Variants in HS6ST3 observed in about 807,000 individuals in gnomAD.
The protein encoded by HS6ST3 is heparan-sulfate 6-O-sulfotransferase 3.
HS6ST3 carries 12 observed loss-of-function variants against 36.7 expected under a neutral mutation model. The ratio of observed to expected loss-of-function variants is 0.33; its 90% CI spans 0.21 to 0.53. The LOEUF is 0.53. Ranked by LOEUF, HS6ST3 falls within the 20% of genes least tolerant of loss-of-function variation. The pLI, the probability that HS6ST3 is intolerant of heterozygous loss-of-function variation, is 0.95. For missense variants in HS6ST3, 584 were observed against 640.9 expected (o/e 0.91, Z 0.96); for synonymous variants, 240 against 257.5 (o/e 0.93, Z 0.65).
intron 1 of HS6ST3, among the ~76,000 whole-genome samples, chr13:96,374,756 G>A (rs1019607588): frequency 5.9e-5 from 9 of 152,058 alleles, no homozygotes; most frequent in African/African-American, 2.2e-4. Flanking sequence ...CTGCCTCACT[G>A]ACCCCTCTGT....
At chr13:96,543,609 A>T (rs2056186559) in intron 1 of HS6ST3, among the ~76,000 whole-genome samples, 1 of 152,118 alleles carries the variant, frequency 6.6e-6, no homozygotes, top group Admixed American at 6.5e-5. Context: ...TTTACTATTA[A>T]TATTTTTCCC....
At chr13:96,185,340 A>G (rs1260878425) in intron 1 of HS6ST3, among the ~76,000 whole-genome samples, 3 of 152,210 alleles carry the variant, frequency 2.0e-5, no homozygotes, top group Non-Finnish European at 4.4e-5. Flanking sequence ...AACATTTATA[A>G]GATGCTTTCT....
At chr13:96,342,198 G>A (rs549835900) in intron 1 of HS6ST3, among the ~76,000 whole-genome samples, 38 of 152,158 alleles carry the variant, frequency 2.5e-4, no homozygotes, top group African/African-American at 8.4e-4. Flanking sequence ...ACAGTTTGAG[G>A]TATCTATGGG....
chr13:96,704,969 C>G (rs576543117), intron 1 of HS6ST3, among the ~76,000 whole-genome samples: 8 of 152,238 alleles, frequency 5.3e-5, no homozygotes, highest in Admixed American at 2.6e-4. Flanking sequence ...AAACTTTATT[C>G]TTTAGAGCAG....
chr13:96,168,082 G>A (rs982258653), intron 1 of HS6ST3, among the ~76,000 whole-genome samples: 3 of 152,124 alleles, frequency 2.0e-5, no homozygotes, highest in African/African-American at 7.2e-5. Flanking sequence ...TAGTTGCCTT[G>A]GTTACTCTTG....
chr13:96,666,781 CATGAAAATAACTAA>C (rs1173691895), intron 1 of HS6ST3, among the ~76,000 whole-genome samples: 4 of 152,098 alleles, frequency 2.6e-5, no homozygotes, highest in Admixed American at 2.0e-4. Context: ...TTTATGCCTT[CATGAAAATAACTAA>C]ATGAAAATAA....
chr13:96,521,099 T>G (rs767513567), intron 1 of HS6ST3, among the ~76,000 whole-genome samples: 18 of 152,346 alleles, frequency 1.2e-4, no homozygotes, highest in Non-Finnish European at 1.8e-4. Flanking sequence ...CTGCATCTAT[T>G]GAGATAATCA....
intron 1 of HS6ST3, among the ~76,000 whole-genome samples, chr13:96,700,876 T>G (rs1175025876): frequency 6.6e-6 from 1 of 152,200 alleles, no homozygotes; most frequent in Non-Finnish European, 1.5e-5. Context: ...GATTTAATCC[T>G]TAGGCTGGAA....
intron 1 of HS6ST3, among the ~76,000 whole-genome samples, chr13:96,564,195 T>A (rs1038432513): frequency 6.6e-6 from 1 of 152,238 alleles, no homozygotes; most frequent in African/African-American, 2.4e-5. Context: ...TTCTGGCTGA[T>A]GCGTTTTGTA....
chr13:96,631,947 G>A (rs2056533436), intron 1 of HS6ST3, among the ~76,000 whole-genome samples: 1 of 152,142 alleles, frequency 6.6e-6, no homozygotes, highest in African/African-American at 2.4e-5. Flanking sequence ...TCTATGCAAG[G>A]GTGATTGGGC....
intron 1 of HS6ST3, among the ~76,000 whole-genome samples, chr13:96,132,373 C>T (rs1267012853): frequency 6.6e-6 from 1 of 151,796 alleles, no homozygotes; most frequent in African/African-American, 2.4e-5. Flanking sequence ...GAGGAACCTC[C>T]ATACTGTTTT....
At chr13:96,400,518 A>C (rs1309172456) in intron 1 of HS6ST3, among the ~76,000 whole-genome samples, 2 of 152,084 alleles carry the variant, frequency 1.3e-5, no homozygotes, top group African/African-American at 4.8e-5. Context: ...TAATGGATAT[A>C]ATTAGAGAGG....
At chr13:96,135,741 G>A (rs759504072) in intron 1 of HS6ST3, among the ~76,000 whole-genome samples, 13 of 152,290 alleles carry the variant, frequency 8.5e-5, no homozygotes, top group East Asian at 1.9e-4. Flanking sequence ...GATGGTGCCC[G>A]GTTCAAGAGG....
chr13:96,118,706 T>A (rs1876554989), intron 1 of HS6ST3, among the ~76,000 whole-genome samples: 2 of 98,188 alleles, frequency 2.0e-5, no homozygotes, highest in African/African-American at 8.4e-5. Flanking sequence ...TTTTTTTTTT[T>A]TTTTTTTTTT....
At chr13:96,335,077 G>A (rs1343537816) in intron 1 of HS6ST3, among the ~76,000 whole-genome samples, 1 of 152,108 alleles carries the variant, frequency 6.6e-6, no homozygotes, top group Non-Finnish European at 1.5e-5. Context: ...GACCTCCCAT[G>A]GAGGCTGAGG....
rs1876357268 is a variant in HS6ST3, at chr13:96,738,866, C to G, written c.708-93624C>G. 3.3e-5 allele frequency among the ~76,000 whole-genome samples: 5 copies of G among 152,266 alleles called. No individual in the cohort carries two copies. In the South Asian group the frequency reaches 1.0e-3, roughly 32 times the overall value. ...TACTCTTTTTCTTGACTCTCTTTTA[C>G]AGCAAAACACCTCAAAAGAATTAGT... On this transcript the variant is annotated intron_variant, in intron 1 of 1. Coordinates refer to ENST00000376705, the MANE Select transcript of HS6ST3 (RefSeq NM_153456.4).
intron 1 of HS6ST3, among the ~76,000 whole-genome samples, chr13:96,312,326 C>A (rs1029316530): frequency 3.3e-5 from 5 of 152,220 alleles, no homozygotes; most frequent in Admixed American, 2.0e-4. Context: ...AATCACCAAT[C>A]ATATATTGTT....
chr13:96,812,070 T>C (rs1878326964), intron 1 of HS6ST3, among the ~76,000 whole-genome samples: 1 of 151,978 alleles, frequency 6.6e-6, no homozygotes, highest in Non-Finnish European at 1.5e-5. Context: ...CCTTTGACTC[T>C]GACATTCTGA....
chr13:96,831,969 A>AAAAAAAAAAAAAAC, intron 1 of HS6ST3, among the ~76,000 whole-genome samples: 1 of 147,894 alleles, frequency 6.8e-6, no homozygotes, highest in African/African-American at 2.5e-5. Flanking sequence ...AAAAAAAAAA[A>AAAAAAAAAAAAAAC]AAAAAAAAAA....
Sources: allele counts gnomAD v4.1 joint callset (sites outside exome capture counted in the v4.1 genomes callset), GRCh38; gene constraint gnomAD v4.1.1; transcripts MANE v1.5; gene names NCBI Gene and HGNC (gene_info 2026-07-23, HGNC 2026-07-21).